The following MPP7 variants were observed in gnomAD, a reference collection of about 807,000 sequenced individuals.
MPP7 encodes the protein MAGUK p55 scaffold protein 7, also known as MAGUK p55 subfamily member 7.
In MPP7, 60 loss-of-function variants were observed where a neutral mutation model predicts 76.5. The observed-to-expected ratio is 0.78, with a 90% CI of 0.64 to 0.97. MPP7 has a LOEUF of 0.97. Ranked by LOEUF, MPP7 falls within the 50% of genes least tolerant of loss-of-function variation. The pLI, the probability that MPP7 is intolerant of heterozygous loss-of-function variation, is 0.00. For missense variants in MPP7, 641 were observed against 694.0 expected, an observed-to-expected ratio of 0.92 and a Z score of 0.86; for synonymous variants, 237 against 244.5, an observed-to-expected ratio of 0.97 and a Z score of 0.29.
At chr10:28,293,297 C>T (rs1433189601) in intron 1 of MPP7, among the ~76,000 whole-genome samples, 1 of 152,128 alleles carries the variant, frequency 6.6e-6, no homozygotes, top group African/African-American at 2.4e-5. Context: ...ACACAGTATA[C>T]GATAGGATAT....
intron 5 of MPP7, among the ~76,000 whole-genome samples, chr10:28,133,484 T>C (rs1835258691): frequency 6.6e-6 from 1 of 152,220 alleles, no homozygotes; most frequent in Non-Finnish European, 1.5e-5. Flanking sequence ...TTTGCCTTCA[T>C]ACATGTCCAT....
In MPP7 at chr10:28,283,762, A is replaced by G. The variant is rs573247051; in HGVS notation, c.-132+19099T>C. Among the ~76,000 whole-genome samples the G allele has an allele frequency of 3.5e-3, 528 of 151,870 alleles. 3 individuals are homozygous for G. The highest frequency in any genetic ancestry group is 0.012 in the African/African-American group (494 of 41,308). ...ACTCCTGACCTCAAGTGATTCACCC[A>G]CCTCGGCCTCCCAAAATGCTGGGAT... On this transcript the variant is annotated intron_variant, in intron 1 of 16. Coordinates refer to ENST00000683449, the MANE Select transcript of MPP7 (RefSeq NM_001318170.2).
chr10:28,243,347 T>C (rs1484571064), intron 1 of MPP7, among the ~76,000 whole-genome samples: 1 of 152,108 alleles, frequency 6.6e-6, no homozygotes, highest in Non-Finnish European at 1.5e-5. Flanking sequence ...TATCAGCTTC[T>C]CAATGCCCAA....
chr10:28,130,830 C>T lies in MPP7; in HGVS notation c.447+730G>A, dbSNP rs189015700. On this transcript the variant is annotated intron_variant, in intron 6 of 16. Transcript: ENST00000683449. ...TCTTACTTTACCTTAACAATAATTG[C>T]GAAGATAATACACTAATTATATATT... 3.3e-3 allele frequency among the ~76,000 whole-genome samples: 503 copies of T among 152,078 alleles called. 1 individual carries two copies. The highest frequency in any genetic ancestry group is 0.011 in the African/African-American group (450 of 41,494).
chr10:28,250,726 C>T (rs1185203569), intron 1 of MPP7, among the ~76,000 whole-genome samples: 1 of 152,224 alleles, frequency 6.6e-6, no homozygotes, highest in African/African-American at 2.4e-5. Context: ...TTCTATAAAA[C>T]TACAACCCTG....
intron 2 of MPP7, among the ~76,000 whole-genome samples, chr10:28,215,294 A>G (rs963240024): frequency 1.0e-4 from 15 of 147,972 alleles, no homozygotes; most frequent in African/African-American, 3.8e-4. Flanking sequence ...AGTTCTGTCT[A>G]GGCAGTGGGC....
At chr10:28,064,190 C>T (rs1317119173) in intron 13 of MPP7, among the ~76,000 whole-genome samples, 1 of 152,130 alleles carries the variant, frequency 6.6e-6, no homozygotes, top group Non-Finnish European at 1.5e-5. Flanking sequence ...ACCCCTAAAT[C>T]CTCATCAACA....
chr10:28,134,861 C>T (rs1051674632), intron 5 of MPP7, among the ~76,000 whole-genome samples: 6 of 152,008 alleles, frequency 3.9e-5, no homozygotes, highest in African/African-American at 1.4e-4. Flanking sequence ...GCAGTAGACA[C>T]CAGAAGACAG....
chr10:28,108,522 T>C (rs1834397007), intron 11 of MPP7, among the ~76,000 whole-genome samples: 2 of 151,928 alleles, frequency 1.3e-5, no homozygotes, highest in Admixed American at 6.6e-5. Flanking sequence ...CTGGCCGTGG[T>C]GGTGCAGGCC....
At chr10:28,237,719 A>G (rs1204480368) in intron 2 of MPP7, among the ~76,000 whole-genome samples, 1 of 152,226 alleles carries the variant, frequency 6.6e-6, no homozygotes, top group Non-Finnish European at 1.5e-5. Flanking sequence ...AGGATGGCCC[A>G]TATAAAACAG....
intron 12 of MPP7, among the ~76,000 whole-genome samples, chr10:28,078,250 C>T (rs1007747399): frequency 2.6e-5 from 4 of 152,212 alleles, no homozygotes; most frequent in Non-Finnish European, 5.9e-5. Context: ...TTCGTGATGA[C>T]TAATTATGCT....
intron 1 of MPP7, among the ~76,000 whole-genome samples, chr10:28,264,169 C>G (rs1489771693): frequency 6.6e-6 from 1 of 151,998 alleles, no homozygotes; most frequent in Non-Finnish European, 1.5e-5. Flanking sequence ...CAGGATGGCA[C>G]TCACCTGCAG....
intron 3 of MPP7, among the ~76,000 whole-genome samples, chr10:28,158,363 T>C (rs1302663556): frequency 6.6e-6 from 1 of 152,074 alleles, no homozygotes; most frequent in Non-Finnish European, 1.5e-5. Context: ...ATTTCATATA[T>C]ACATACATAC....
At chr10:28,087,684 C>T (rs1853086070) in intron 12 of MPP7, among the ~76,000 whole-genome samples, 1 of 152,230 alleles carries the variant, frequency 6.6e-6, no homozygotes. Context: ...GCATGAGCCA[C>T]TGCGCCCAGC....
chr10:28,184,565 TG>T (rs1370047498), intron 3 of MPP7, among the ~76,000 whole-genome samples: 1 of 149,024 alleles, frequency 6.7e-6, no homozygotes, highest in African/African-American at 2.4e-5. Flanking sequence ...AGAAATTATC[TG>T]GGCGTTGTAG....
intron 1 of MPP7, among the ~76,000 whole-genome samples, chr10:28,263,615 G>A (rs763401612): frequency 5.0e-5 from 7 of 141,144 alleles, no homozygotes; most frequent in Non-Finnish European, 7.5e-5. Flanking sequence ...GCTGTGAAGC[G>A]TGACCAACCA....
intron 3 of MPP7, among the ~76,000 whole-genome samples, chr10:28,191,878 C>A (rs1231962939): frequency 6.6e-6 from 1 of 152,164 alleles, no homozygotes; most frequent in Non-Finnish European, 1.5e-5. Context: ...AATCCCAGCA[C>A]TTTGGGAAGC....
At position 28,262,202 on chromosome 10, in the gene MPP7, T is replaced by C. The variant is rs185686285; in HGVS notation, c.-131-23467A>G. ...TAAATAAATTATATATATATATATA[T>C]ATATACATATATATATATATATACA... On this transcript the variant is annotated intron_variant, in intron 1 of 16. Coordinates refer to ENST00000683449, the MANE Select transcript of MPP7 (RefSeq NM_001318170.2). Among the ~76,000 whole-genome samples, 56 of 14,916 alleles carry C rather than the reference T, an allele frequency of 3.8e-3. 3 individuals are homozygous for C. Among genetic ancestry groups the C allele is most frequent in the African/African-American group, 8.2e-3 (49 of 6,012 alleles). 9.8% of individuals were successfully genotyped at this position (14,916 alleles called of 152,430 possible). A position where few individuals can be genotyped will look rare whatever the true frequency, so the allele number is the denominator to read the frequency against.
intron 2 of MPP7, among the ~76,000 whole-genome samples, chr10:28,212,726 TAGAA>T (rs1238955054): frequency 3.9e-5 from 6 of 152,098 alleles, no homozygotes; most frequent in African/African-American, 1.2e-4. Flanking sequence ...TCTCACGTCC[TAGAA>T]AGAGAGTGTC....
Sources: allele counts gnomAD v4.1 joint callset (sites outside exome capture counted in the v4.1 genomes callset), GRCh38; gene constraint gnomAD v4.1.1; transcripts MANE v1.5; gene names NCBI Gene and HGNC (gene_info 2026-07-23, HGNC 2026-07-21).